PDSS2: variants seen among roughly 807,000 people sequenced by gnomAD.
The protein encoded by PDSS2 is all trans-polyprenyl-diphosphate synthase PDSS2.
PDSS2 carries 31 observed loss-of-function variants against 44.5 expected under a neutral mutation model. The observed-to-expected ratio is 0.70, with a 90% confidence interval of 0.52 to 0.94. The LOEUF is 0.94. Among genes scored for constraint, PDSS2 ranks in the 40% least tolerant of loss-of-function variants. The pLI, the probability that PDSS2 is intolerant of heterozygous loss-of-function variation, is 0.00. For missense variants in PDSS2, 452 were observed against 482.2 expected, an observed-to-expected ratio of 0.94 and a Z score of 0.59; for synonymous variants, 157 against 180.3, an observed-to-expected ratio of 0.87 and a Z score of 1.03.
In PDSS2 at chr6:107,330,440, A is replaced by G. The variant is rs556893983; in HGVS notation, c.431+3758T>C. Among the ~76,000 whole-genome samples the G allele has an allele frequency of 5.3e-5, 8 of 152,296 alleles. No homozygotes were observed. The South Asian group carries it at 1.7e-3, about 32-fold the overall frequency. ...TTCAGGAAATGAAAGTAGAGTGCAA[A>G]TATGTTCAGTCTGTGGTCTGCTTTT... On this transcript the variant is annotated intron_variant, in intron 2 of 7. Coordinates refer to ENST00000369037, the MANE Select transcript of PDSS2 (RefSeq NM_020381.4).
chr6:107,206,787 A>G (rs1772991654), intron 6 of PDSS2, among the ~76,000 whole-genome samples: 2 of 152,288 alleles, frequency 1.3e-5, no homozygotes, highest in Non-Finnish European at 2.9e-5. Context: ...GGGCTGGACA[A>G]TCTTGATCTG....
At chr6:107,427,683 G>A (rs9480772) in intron 1 of PDSS2, among the ~76,000 whole-genome samples, 10,539 of 152,220 alleles carry the variant, frequency 0.069, 433 homozygotes, top group Non-Finnish European at 0.092. Flanking sequence ...CCTATTGTTT[G>A]TCATTCCATC....
intron 1 of PDSS2, among the ~76,000 whole-genome samples, chr6:107,350,299 A>G (rs1582976018): frequency 6.6e-6 from 1 of 152,360 alleles, no homozygotes; most frequent in East Asian, 1.9e-4. Flanking sequence ...TAAATATCTC[A>G]TTCATCACAC....
intron 3 of PDSS2, among the ~76,000 whole-genome samples, chr6:107,259,982 G>C (rs1340036636): frequency 2.6e-5 from 4 of 152,174 alleles, no homozygotes; most frequent in Non-Finnish European, 5.9e-5. Flanking sequence ...ATTTCTGCCT[G>C]ACTTTACACC....
At chr6:107,221,707 G>A (rs889540172) in intron 4 of PDSS2, among the ~76,000 whole-genome samples, 8 of 152,128 alleles carry the variant, frequency 5.3e-5, no homozygotes, top group Non-Finnish European at 1.0e-4. Context: ...TTACTGCTCC[G>A]AGAGATACTT....
intron 2 of PDSS2, among the ~76,000 whole-genome samples, chr6:107,328,814 T>C (rs554348025): frequency 1.3e-5 from 2 of 152,332 alleles, no homozygotes; most frequent in African/African-American, 4.8e-5. Flanking sequence ...CTGTTTAACC[T>C]GGCATGCCCA....
intron 2 of PDSS2, among the ~76,000 whole-genome samples, chr6:107,319,886 G>C (rs1777328388): frequency 6.6e-6 from 1 of 152,088 alleles, no homozygotes; most frequent in African/African-American, 2.4e-5. Flanking sequence ...AATTGGTCTG[G>C]TCTATCTATA....
intron 1 of PDSS2, among the ~76,000 whole-genome samples, chr6:107,445,399 C>T (rs1043956511): frequency 6.6e-6 from 1 of 152,104 alleles, no homozygotes; most frequent in Non-Finnish European, 1.5e-5. Flanking sequence ...TGAAACCAAA[C>T]CAAATGTCTT....
intron 2 of PDSS2, among the ~76,000 whole-genome samples, chr6:107,297,284 T>C (rs1448799234): frequency 6.6e-6 from 1 of 152,166 alleles, no homozygotes; most frequent in African/African-American, 2.4e-5. Flanking sequence ...CTATTAAAAG[T>C]GCTCTTAGGG....
intron 1 of PDSS2, among the ~76,000 whole-genome samples, chr6:107,398,127 T>C (rs146991140): frequency 6.6e-6 from 1 of 152,326 alleles, no homozygotes; most frequent in Non-Finnish European, 1.5e-5. Flanking sequence ...AAAAAGAATA[T>C]TCACAATTAT....
intron 4 of PDSS2, among the ~76,000 whole-genome samples, chr6:107,226,999 CT>C (rs141422280): frequency 1.2e-4 from 17 of 145,682 alleles, no homozygotes; most frequent in South Asian, 2.2e-4. Flanking sequence ...TTTTTAATTA[CT>C]TTTTTTTTTG....
intron 7 of PDSS2, 136 bp downstream of exon 7, chr6:107,193,686 A>G: frequency 1.4e-6 from 1 of 712,930 alleles, no homozygotes; most frequent in Non-Finnish European, 2.6e-6. Context: ...TCCACATGCT[A>G]TTGGCCTGTT....
chr6:107,193,079 C>T (rs1204317617), intron 7 of PDSS2, among the ~76,000 whole-genome samples: 3 of 152,246 alleles, frequency 2.0e-5, no homozygotes, highest in African/African-American at 7.2e-5. Flanking sequence ...CATACACCTG[C>T]TAAATGTTCC....
At chr6:107,217,316 C>G (rs1243551013) in intron 4 of PDSS2, among the ~76,000 whole-genome samples, 1 of 152,122 alleles carries the variant, frequency 6.6e-6, no homozygotes, top group Non-Finnish European at 1.5e-5. Flanking sequence ...GGGGATTACT[C>G]TGGTTTAACT....
intron 1 of PDSS2, among the ~76,000 whole-genome samples, chr6:107,442,801 T>G (rs1401477913): frequency 2.0e-5 from 3 of 152,246 alleles, no homozygotes; most frequent in Non-Finnish European, 4.4e-5. Flanking sequence ...ACTTCACAAA[T>G]GTAGCTTGAA....
intron 7 of PDSS2, among the ~76,000 whole-genome samples, chr6:107,164,407 A>G (rs1554247205): frequency 6.6e-6 from 1 of 152,144 alleles, no homozygotes; most frequent in Non-Finnish European, 1.5e-5. Context: ...ACCAGTGAGA[A>G]CATGCAGTGT....
chr6:107,165,646 A>G (rs9386618), intron 7 of PDSS2, among the ~76,000 whole-genome samples: 104,372 of 150,058 alleles, frequency 0.7, 36,672 homozygotes, highest in African/African-American at 0.76. Context: ...TTGGCAATGC[A>G]GGCTCTTTTT....
intron 6 of PDSS2, among the ~76,000 whole-genome samples, chr6:107,208,008 CAG>C (rs1311747095): frequency 1.6e-4 from 6 of 37,696 alleles, no homozygotes; most frequent in Non-Finnish European, 3.2e-4. Context: ...TTTTATGAAA[CAG>C]AGTTTCACTC....
At chr6:107,307,134 A>G (rs1464826540) in intron 2 of PDSS2, among the ~76,000 whole-genome samples, 4 of 152,224 alleles carry the variant, frequency 2.6e-5, no homozygotes, top group Non-Finnish European at 5.9e-5. Context: ...TGCATTTTTA[A>G]CAAATAACTA....
Sources: gnomAD v4.1 joint callset for allele counts (sites outside exome capture counted in the v4.1 genomes callset) on GRCh38, gnomAD v4.1.1 for gene constraint, MANE v1.5 for transcripts, NCBI Gene and HGNC (gene_info 2026-07-23, HGNC 2026-07-21) for gene names.